The following TRHDE variants were observed in gnomAD, a reference collection of about 807,000 sequenced individuals.
TRHDE encodes the protein thyrotropin-releasing hormone-degrading ectoenzyme.
Under a neutral mutation model 125.7 loss-of-function variants are expected in TRHDE, and 72 were observed. The ratio of observed to expected loss-of-function variants is 0.57; its 90% CI spans 0.47 to 0.70. TRHDE has a LOEUF of 0.70. TRHDE is among the 30% of genes least tolerant of loss of function. The probability of loss-of-function intolerance (pLI) is 0.00; values close to 1 mark genes in which losing one functional copy is unlikely to be tolerated. For synonymous variants in TRHDE, 509 were observed against 509.1 expected, an observed-to-expected ratio of 1.00 and a Z score of 0.00; for missense variants, 1,110 against 1,327.1, an observed-to-expected ratio of 0.84 and a Z score of 2.54.
intron 3 of TRHDE, among the ~76,000 whole-genome samples, chr12:72,467,085 CT>C (rs970674954): frequency 6.6e-6 from 1 of 152,142 alleles, no homozygotes; most frequent in Non-Finnish European, 1.5e-5. Flanking sequence ...TCCTATTTAC[CT>C]TTTTTTATTA....
Position 72,636,673 on chromosome 12 carries a change from G to T in TRHDE, c.2675+14922G>T, listed in dbSNP as rs138033829. Among the ~76,000 whole-genome samples, 10 of 152,100 alleles carry T rather than the reference G, an allele frequency of 6.6e-5. No individual in the cohort carries two copies. The East Asian group carries it at 1.7e-3, about 26-fold the overall frequency. On this transcript the variant is annotated intron_variant, in intron 15 of 18. Transcript: ENST00000261180. ...GATAGCTCTTATTATTTTGAAGTAC[G>T]TCCCATCAATACCTAATTTATTGAA... is the stretch of plus-strand genomic sequence containing the variant.
At chr12:72,215,663 T>C (rs541652356) in intron 2 of TRHDE, among the ~76,000 whole-genome samples, 6 of 152,228 alleles carry the variant, frequency 3.9e-5, no homozygotes, top group Non-Finnish European at 8.8e-5. Flanking sequence ...TTAGATAAAT[T>C]TGGGCTCATG....
At chr12:72,446,781 T>C (rs1233753366) in intron 3 of TRHDE, among the ~76,000 whole-genome samples, 3 of 152,084 alleles carry the variant, frequency 2.0e-5, no homozygotes, top group Non-Finnish European at 4.4e-5. Context: ...CATTACATAA[T>C]GGTAAAGGGA....
intron 6 of TRHDE, among the ~76,000 whole-genome samples, chr12:72,533,692 ATCT>A (rs1161776718): frequency 9.5e-6 from 1 of 104,820 alleles, no homozygotes; most frequent in Non-Finnish European, 2.2e-5. Flanking sequence ...TTTATTTTTC[ATCT>A]TCTCAACCAT....
At chr12:72,236,181 G>GA (rs1039423992) in intron 2 of TRHDE, among the ~76,000 whole-genome samples, 1 of 151,940 alleles carries the variant, frequency 6.6e-6, no homozygotes, top group African/African-American at 2.4e-5. Flanking sequence ...AAATTACTCA[G>GA]AAAAAAACAG....
chr12:72,318,153 G>T (rs1009650540), intron 2 of TRHDE, among the ~76,000 whole-genome samples: 2 of 152,096 alleles, frequency 1.3e-5, no homozygotes, highest in Non-Finnish European at 2.9e-5. Context: ...AAATACAAAG[G>T]TATGAGCAAT....
chr12:72,497,879 G>A (rs1452502622), intron 5 of TRHDE, among the ~76,000 whole-genome samples: 1 of 152,058 alleles, frequency 6.6e-6, no homozygotes, highest in Non-Finnish European at 1.5e-5. Flanking sequence ...TAAAGCATAA[G>A]GTCTAATTCT....
intron 3 of TRHDE, among the ~76,000 whole-genome samples, chr12:72,393,135 C>T (rs1872669398): frequency 6.6e-6 from 1 of 152,098 alleles, no homozygotes; most frequent in African/African-American, 2.4e-5. Context: ...TTTACATTCT[C>T]ACCCGAAGTG....
chr12:72,447,321 G>A (rs1193145345), intron 3 of TRHDE, among the ~76,000 whole-genome samples: 1 of 152,128 alleles, frequency 6.6e-6, no homozygotes, highest in Non-Finnish European at 1.5e-5. Context: ...AAACCAATGA[G>A]AACAAAGACA....
At chr12:72,512,610 T>TATATATAATCATATATATCATATTATC (rs1209210921) in intron 6 of TRHDE, among the ~76,000 whole-genome samples, 48 of 142,008 alleles carry the variant, frequency 3.4e-4, no homozygotes, top group Non-Finnish European at 6.8e-4. Flanking sequence ...TATATATAAT[T>TATATATAATCATATATATCATATTATC]ATATATAATC....
chr12:72,351,096 C>G (rs1870561031), intron 2 of TRHDE, among the ~76,000 whole-genome samples: 1 of 151,930 alleles, frequency 6.6e-6, no homozygotes, highest in Admixed American at 6.6e-5. Context: ...AAATTCTAAG[C>G]TTCTTCGGGT....
intron 3 of TRHDE, among the ~76,000 whole-genome samples, chr12:72,462,623 T>G (rs1006231038): frequency 2.6e-5 from 4 of 152,210 alleles, no homozygotes; most frequent in Admixed American, 2.6e-4. Flanking sequence ...GCACTGCAAA[T>G]GAACAGTTAA....
At chr12:72,239,162 A>C (rs1352903828) in intron 2 of TRHDE, among the ~76,000 whole-genome samples, 1 of 151,472 alleles carries the variant, frequency 6.6e-6, no homozygotes, top group Non-Finnish European at 1.5e-5. Flanking sequence ...GCATTTCTTC[A>C]TGTGTTTGTT....
chr12:72,496,570 G>A (rs1877929557), intron 5 of TRHDE, among the ~76,000 whole-genome samples: 1 of 152,146 alleles, frequency 6.6e-6, no homozygotes, highest in Non-Finnish European at 1.5e-5. Flanking sequence ...CTTGACATGT[G>A]GAGATTATTA....
chr12:72,424,742 T>C (rs1363392772), intron 3 of TRHDE, among the ~76,000 whole-genome samples: 1 of 152,190 alleles, frequency 6.6e-6, no homozygotes, highest in Non-Finnish European at 1.5e-5. Context: ...GTTGTTTTGT[T>C]ATGTTTTCTG....
At chr12:72,242,523 T>C (rs1302029278) in intron 2 of TRHDE, among the ~76,000 whole-genome samples, 1 of 152,106 alleles carries the variant, frequency 6.6e-6, no homozygotes, top group Admixed American at 6.6e-5. Context: ...GCCCTCTGTT[T>C]TGGGTGCTGT....
At chr12:72,161,612 C>A (rs906675281) in intron 2 of TRHDE, among the ~76,000 whole-genome samples, 29 of 152,014 alleles carry the variant, frequency 1.9e-4, no homozygotes, top group African/African-American at 6.8e-4. Flanking sequence ...AACATAAGAG[C>A]TTTTTTTTCT....
intron 12 of TRHDE, among the ~76,000 whole-genome samples, chr12:72,579,334 A>G (rs1338832095): frequency 6.6e-6 from 1 of 152,090 alleles, no homozygotes; most frequent in Non-Finnish European, 1.5e-5. Context: ...TGATTTTATA[A>G]AAGTTATTCA....
At chr12:72,445,014 T>A (rs1320116983) in intron 3 of TRHDE, among the ~76,000 whole-genome samples, 1 of 151,936 alleles carries the variant, frequency 6.6e-6, no homozygotes, top group African/African-American at 2.4e-5. Context: ...TGTGTTTTTC[T>A]ATGTGACCTT....
Sources: allele counts gnomAD v4.1 joint callset (sites outside exome capture counted in the v4.1 genomes callset), GRCh38; gene constraint gnomAD v4.1.1; transcripts MANE v1.5; gene names NCBI Gene and HGNC (gene_info 2026-07-23, HGNC 2026-07-21).